NFIB: variants seen among roughly 807,000 people sequenced by gnomAD.
NFIB encodes nuclear factor I B.
In NFIB, 11 loss-of-function variants were observed where a neutral mutation model predicts 61.5. The observed-to-expected ratio is 0.18, with a 90% CI of 0.11 to 0.30. The LOEUF is 0.30. NFIB is among the 10% of genes least tolerant of loss of function. The pLI is 1.00. For synonymous variants in NFIB, 260 were observed against 216.5 expected (o/e 1.20, Z -1.76); for missense variants, 471 against 608.9 (o/e 0.77, Z 2.38).
the NFIB span, among the ~76,000 whole-genome samples, chr9:14,524,366 C>T: frequency 6.6e-6 from 1 of 152,146 alleles, no homozygotes; most frequent in African/African-American, 2.4e-5. Flanking sequence ...TATTCTCTCT[C>T]ACAACCTTGA....
the NFIB span, among the ~76,000 whole-genome samples, chr9:14,518,266 A>G: frequency 0.25 from 37,866 of 152,016 alleles, 4,943 homozygotes; most frequent in East Asian, 0.4. Context: ...TTTGGGGCAA[A>G]GTAGGCAATA....
At chr9:14,353,754 T>C (rs1440502895) in intron 1 of NFIB, among the ~76,000 whole-genome samples, 1 of 152,164 alleles carries the variant, frequency 6.6e-6, no homozygotes, top group African/African-American at 2.4e-5. Flanking sequence ...CAGATGCCTT[T>C]TCTTCCATTT....
At chr9:14,522,888 C>T in the NFIB span, among the ~76,000 whole-genome samples, 1 of 152,216 alleles carries the variant, frequency 6.6e-6, no homozygotes, top group Non-Finnish European at 1.5e-5. Flanking sequence ...ACCAGAGGCT[C>T]TGCTCTAGAA....
chr9:14,195,323 C>T (rs928431614), intron 2 of NFIB, among the ~76,000 whole-genome samples: 3 of 152,114 alleles, frequency 2.0e-5, no homozygotes, highest in Non-Finnish European at 2.9e-5. Context: ...TCCTGTGGTG[C>T]TTTTAGGAAA....
chr9:14,257,222 A>G (rs1474249269), intron 2 of NFIB, among the ~76,000 whole-genome samples: 2 of 152,316 alleles, frequency 1.3e-5, no homozygotes, highest in South Asian at 2.1e-4. Flanking sequence ...TGAATATTAA[A>G]TGAGATACAC....
the NFIB span, among the ~76,000 whole-genome samples, chr9:14,440,229 T>C: frequency 4.1e-4 from 62 of 152,274 alleles, no homozygotes; most frequent in Non-Finnish European, 7.5e-4. Flanking sequence ...GTCTTCCTCA[T>C]CTTGTCTCCC....
rs58705977 is a variant in NFIB at position 14,176,256 on chromosome 9, T to TA, written c.616+3470dup. Among the ~76,000 whole-genome samples, 746 of 131,438 alleles carry TA rather than the reference T, an allele frequency of 5.7e-3. 7 individuals are homozygous for TA. Among genetic ancestry groups the TA allele is most frequent in the South Asian group, 0.042 (172 of 4,128 alleles). 86.2% of individuals were successfully genotyped at this position (131,438 alleles called of 152,430 possible). On this transcript the variant is annotated intron_variant, in intron 3 of 10. Transcript: ENST00000380953. ...TATTGCTTAGGAGGGATTAACTTGTTAAAAAAAAAAAAAAAAAAACAAAGA... is the reference window on the plus strand; with the variant it reads ...TATTGCTTAGGAGGGATTAACTTGTTAAAAAAAAAAAAAAAAAAAACAAAGA...
rs546994781 is a variant in NFIB at position 14,140,205 on chromosome 9, G to A, written c.925+6484C>T. 2.5e-3 allele frequency among the ~76,000 whole-genome samples: 380 copies of A among 152,258 alleles called. 3 individuals carry two copies. Among genetic ancestry groups the A allele is most frequent in the African/African-American group, 8.7e-3 (361 of 41,558 alleles). ...GAACTTTAAAACTTCTTCCAGTATGGTTACTAAGCTGTCTGCACTGCCATT... is the reference window on the plus strand; with the variant it reads ...GAACTTTAAAACTTCTTCCAGTATGATTACTAAGCTGTCTGCACTGCCATT... On this transcript the variant is annotated intron_variant, in intron 6 of 10. Transcript: ENST00000380953.
chr9:14,530,878 G>C, the NFIB span, among the ~76,000 whole-genome samples: 1 of 149,324 alleles, frequency 6.7e-6, no homozygotes, highest in Non-Finnish European at 1.5e-5. Flanking sequence ...AAGCAATCAA[G>C]ACAGAAAAGG....
chr9:14,380,367 G>A (rs1353880609), intron 1 of NFIB, among the ~76,000 whole-genome samples: 2 of 152,218 alleles, frequency 1.3e-5, no homozygotes, highest in Non-Finnish European at 2.9e-5. Flanking sequence ...AACTAGGACT[G>A]ATGCTTGCCT....
chr9:14,299,419 T>TGACTATTTTGAGAAATA (rs2059629319), intron 2 of NFIB, among the ~76,000 whole-genome samples: 1 of 152,256 alleles, frequency 6.6e-6, no homozygotes, highest in South Asian at 2.1e-4. Flanking sequence ...ACTATTAAGT[T>TGACTATTTTGAGAAATA]GACTATTTTG....
chr9:14,136,229 G>A (rs979937928), intron 6 of NFIB, among the ~76,000 whole-genome samples: 2 of 152,170 alleles, frequency 1.3e-5, no homozygotes, highest in Admixed American at 6.5e-5. Flanking sequence ...CATTTTAACA[G>A]ACAGACAATG....
At chr9:14,282,685 T>C (rs1385858252) in intron 2 of NFIB, among the ~76,000 whole-genome samples, 3 of 152,182 alleles carry the variant, frequency 2.0e-5, no homozygotes, top group East Asian at 3.8e-4. Context: ...GCAAGAGTAG[T>C]TGTCCTTTTT....
At chr9:14,345,843 C>T (rs944617205) in intron 1 of NFIB, among the ~76,000 whole-genome samples, 8 of 152,186 alleles carry the variant, frequency 5.3e-5, no homozygotes, top group African/African-American at 1.9e-4. Flanking sequence ...CCTCTTCAAA[C>T]GGCCTTTCAA....
rs752276644 is a variant in NFIB, at chr9:14,204,638, A to T, written c.563-24858T>A. The T allele has an allele frequency of 3.3e-4, 221 of 675,316 alleles. 3 individuals carry two copies. The highest frequency in any genetic ancestry group is 9.6e-4 in the Admixed American group (41 of 42,658). 41.8% of individuals were successfully genotyped at this position (675,316 alleles called of 1,614,324 possible). A position where few individuals can be genotyped will look rare whatever the true frequency, so the allele number is the denominator to read the frequency against. On this transcript the variant is annotated intron_variant, in intron 2 of 10. Coordinates refer to ENST00000380953, the MANE Select transcript of NFIB (RefSeq NM_001190737.2). ...GCCGGCAAAGGGGACCTCCCCACTAAGAACACCTGTCCTTCAAGCAGGAGT... is the reference window on the plus strand; with the variant it reads ...GCCGGCAAAGGGGACCTCCCCACTATGAACACCTGTCCTTCAAGCAGGAGT...
the NFIB span, among the ~76,000 whole-genome samples, chr9:14,518,593 C>T: frequency 6.6e-6 from 1 of 151,792 alleles, no homozygotes; most frequent in Admixed American, 6.6e-5. Flanking sequence ...GTCCACCTTC[C>T]ATCCCTACTC....
At chr9:14,262,237 A>G (rs2132246506) in intron 2 of NFIB, among the ~76,000 whole-genome samples, 1 of 152,258 alleles carries the variant, frequency 6.6e-6, no homozygotes, top group East Asian at 1.9e-4. Flanking sequence ...TTTGGCATAC[A>G]GGTGATTTCC....
At chr9:14,252,235 G>C (rs1292712607) in intron 2 of NFIB, among the ~76,000 whole-genome samples, 2 of 152,090 alleles carry the variant, frequency 1.3e-5, no homozygotes, top group African/African-American at 4.8e-5. Context: ...GGTGGACTCT[G>C]TTTTCAAAGT....
chr9:14,407,362 G>T, the NFIB span, among the ~76,000 whole-genome samples: 1 of 152,092 alleles, frequency 6.6e-6, no homozygotes, highest in Non-Finnish European at 1.5e-5. Context: ...TTGATTAACT[G>T]GCCAGTTATT....
Sources: gnomAD v4.1 joint callset for allele counts (sites outside exome capture counted in the v4.1 genomes callset) on GRCh38, gnomAD v4.1.1 for gene constraint, MANE v1.5 for transcripts, NCBI Gene and HGNC (gene_info 2026-07-23, HGNC 2026-07-21) for gene names.